REEP3: variants seen among roughly 807,000 people sequenced by gnomAD.
The protein encoded by REEP3 is receptor accessory protein 3.
A neutral mutation model predicts 41.3 loss-of-function variants in REEP3; 20 were observed. The observed-to-expected ratio is 0.48, with a 90% confidence interval of 0.34 to 0.70. The LOEUF (loss-of-function observed/expected upper bound fraction) is 0.70. REEP3 is among the 30% of genes least tolerant of loss of function. The pLI, the probability that REEP3 is intolerant of heterozygous loss-of-function variation, is 0.01. For synonymous variants in REEP3, 104 were observed against 101.8 expected, an observed-to-expected ratio of 1.02 and a Z score of -0.13; for missense variants, 271 against 308.8, an observed-to-expected ratio of 0.88 and a Z score of 0.92.
chr10:63,571,528 C>T (rs1306693438), intron 2 of REEP3, among the ~76,000 whole-genome samples: 1 of 152,174 alleles, frequency 6.6e-6, no homozygotes, highest in African/African-American at 2.4e-5. Flanking sequence ...CTCTCTTCTG[C>T]CTCCTCTTCC....
intron 6 of REEP3, among the ~76,000 whole-genome samples, chr10:63,611,489 A>G (rs1956276943): frequency 6.6e-6 from 1 of 152,218 alleles, no homozygotes; most frequent in Admixed American, 6.5e-5. Flanking sequence ...AAACTTTAAA[A>G]AACTATCATG....
chr10:63,556,475 TACTC>T (rs61117531), intron 1 of REEP3, among the ~76,000 whole-genome samples: 71,312 of 151,546 alleles, frequency 0.47, 17,055 homozygotes, highest in Middle Eastern at 0.55. Flanking sequence ...AGAGAACTAA[TACTC>T]AAACAGAATT....
chr10:63,584,440 A>AC (rs1955985072), intron 2 of REEP3, among the ~76,000 whole-genome samples: 4 of 151,330 alleles, frequency 2.6e-5, no homozygotes, highest in South Asian at 2.1e-4. Flanking sequence ...TAAAAAAAAA[A>AC]AAAAAAAAAA....
chr10:63,534,010 G>T (rs1955451575), intron 1 of REEP3, among the ~76,000 whole-genome samples: 2 of 151,878 alleles, frequency 1.3e-5, no homozygotes. Flanking sequence ...GCTTGCCCTG[G>T]AAGTATGTAA....
intron 2 of REEP3, among the ~76,000 whole-genome samples, chr10:63,584,726 A>T (rs1264877159): frequency 1.3e-5 from 2 of 152,196 alleles, no homozygotes; most frequent in African/African-American, 4.8e-5. Context: ...TCTCTAAAAA[A>T]ATCTGTATCA....
intron 1 of REEP3, among the ~76,000 whole-genome samples, chr10:63,549,814 G>A (rs1370811853): frequency 6.6e-6 from 1 of 152,156 alleles, no homozygotes; most frequent in Non-Finnish European, 1.5e-5. Flanking sequence ...GTGGGGAAGA[G>A]GAAAGATGAG....
chr10:63,613,403 T>C (rs1241065516), intron 6 of REEP3, among the ~76,000 whole-genome samples: 1 of 152,252 alleles, frequency 6.6e-6, no homozygotes, highest in African/African-American at 2.4e-5. Context: ...AAATAAGTTT[T>C]ATAAAAATAT....
intron 6 of REEP3, among the ~76,000 whole-genome samples, chr10:63,616,110 C>T (rs1034516337): frequency 6.6e-5 from 10 of 152,274 alleles, no homozygotes; most frequent in Admixed American, 4.6e-4. Context: ...TGCTCTCTGA[C>T]GAAGTCCAAA....
At chr10:63,573,349 C>G (rs1955870472) in intron 2 of REEP3, among the ~76,000 whole-genome samples, 1 of 152,162 alleles carries the variant, frequency 6.6e-6, no homozygotes, top group African/African-American at 2.4e-5. Flanking sequence ...TATGGTTTTG[C>G]AAATTTTTTC....
At chr10:63,528,082 A>G (rs534694608) in intron 1 of REEP3, among the ~76,000 whole-genome samples, 8 of 151,674 alleles carry the variant, frequency 5.3e-5, no homozygotes, top group Admixed American at 4.0e-4. Context: ...TCCTTAGACC[A>G]TTTTCTCTTT....
intron 1 of REEP3, among the ~76,000 whole-genome samples, chr10:63,532,868 G>T (rs934111012): frequency 6.6e-6 from 1 of 152,094 alleles, no homozygotes; most frequent in African/African-American, 2.4e-5. Flanking sequence ...TCGTGCCACT[G>T]TACTCCAGCC....
At chr10:63,602,250 G>A (rs1956178619) in intron 5 of REEP3, among the ~76,000 whole-genome samples, 1 of 152,174 alleles carries the variant, frequency 6.6e-6, no homozygotes, top group African/African-American at 2.4e-5. Context: ...CATATTGAGA[G>A]TATGGGGGAA....
At position 63,622,739 on chromosome 10, in the gene REEP3, G is replaced by C. The variant is rs948265252; in HGVS notation, c.*1870G>C. On this transcript the variant is annotated 3_prime_UTR_variant, in exon 8 of 8. Coordinates refer to ENST00000373758, the MANE Select transcript of REEP3 (RefSeq NM_001001330.3). ...TTTTTTTTTTTTGAGACGGAGTCTTGCTCTGTCACCAGGCTGGAGTGCAGT... is the reference window on the plus strand; with the variant it reads ...TTTTTTTTTTTTGAGACGGAGTCTTCCTCTGTCACCAGGCTGGAGTGCAGT... 1 of 116,340 alleles carries C rather than the reference G, an allele frequency of 8.6e-6. No individual in the cohort carries two copies. Among genetic ancestry groups the C allele is most frequent in the African/African-American group, 4.2e-5 (1 of 23,920 alleles). 7.2% of individuals were successfully genotyped at this position (116,340 alleles called of 1,614,324 possible).
chr10:63,610,424 A>C (rs1956268951), intron 6 of REEP3, 90 bp downstream of exon 6: 1 of 1,266,104 alleles, frequency 7.9e-7, no homozygotes. Context: ...GGTGGGGCAC[A>C]AGGAGAGGGA....
chr10:63,619,578 G>A lies in REEP3; in HGVS notation c.566-77G>A, dbSNP rs1269284183. The A allele has an allele frequency of 2.0e-5, 27 of 1,323,460 alleles. 2 individuals carry two copies. In the Middle Eastern group the frequency reaches 5.4e-4, roughly 27 times the overall value. The allele number at this position is 1,323,460 out of a possible 1,614,324, so 82.0% of individuals were successfully genotyped here. On this transcript the variant is annotated intron_variant, in intron 6 of 7. Transcript: ENST00000373758. ...GGAAATGCAAACCATACAAAGAACT[G>A]TACACAGATGGGTCAAAGAGCCGGC... is the stretch of plus-strand genomic sequence containing the variant.
chr10:63,552,302 T>TC (rs1564476451), intron 1 of REEP3, among the ~76,000 whole-genome samples: 1 of 151,686 alleles, frequency 6.6e-6, no homozygotes, highest in Non-Finnish European at 1.5e-5. Flanking sequence ...TTCCAGCTAC[T>TC]CGGGAGGCTG....
chr10:63,603,312 C>CAAAAAAAA (rs67364276), intron 5 of REEP3, among the ~76,000 whole-genome samples: 1 of 62,852 alleles, frequency 1.6e-5, no homozygotes, highest in Non-Finnish European at 2.8e-5. Context: ...GACTCTGTCT[C>CAAAAAAAA]AAAAAAAAAA....
At chr10:63,603,214 G>A (rs1956190107) in intron 5 of REEP3, among the ~76,000 whole-genome samples, 2 of 149,714 alleles carry the variant, frequency 1.3e-5, no homozygotes, top group Non-Finnish European at 3.0e-5. Context: ...TCGGGAGGCT[G>A]AGGCAGGAGA....
intron 5 of REEP3, among the ~76,000 whole-genome samples, chr10:63,608,450 G>C (rs1468312917): frequency 6.6e-6 from 1 of 152,208 alleles, no homozygotes; most frequent in African/African-American, 2.4e-5. Flanking sequence ...TTTCTCTTGA[G>C]TGTAAAATAT....
Sources: gnomAD v4.1 joint callset for allele counts (sites outside exome capture counted in the v4.1 genomes callset) on GRCh38, gnomAD v4.1.1 for gene constraint, MANE v1.5 for transcripts, NCBI Gene and HGNC (gene_info 2026-07-23, HGNC 2026-07-21) for gene names.